TRIM61: variants seen among roughly 807,000 people sequenced by gnomAD.
The protein encoded by TRIM61 is tripartite motif containing 61.
A neutral mutation model predicts 14.2 loss-of-function variants in TRIM61; 1 was observed. The ratio of observed to expected loss-of-function variants is 0.07; its 90% CI spans 0.03 to 0.33. The LOEUF is 0.33. Among genes scored for constraint, TRIM61 ranks in the 10% least tolerant of loss-of-function variants. The pLI, the probability that TRIM61 is intolerant of heterozygous loss-of-function variation, is 0.99. For synonymous variants in TRIM61, 8 were observed against 71.6 expected (o/e 0.11, Z 4.49); for missense variants, 19 against 202.2 (o/e 0.09, Z 5.49).
intron 3 of TRIM61, among the ~76,000 whole-genome samples, chr4:164,961,162 A>AAAAAAAAAAAAAAAG (rs1732126874): frequency 2.2e-5 from 1 of 44,800 alleles, no homozygotes; most frequent in African/African-American, 1.1e-4. Flanking sequence ...GCAAAAAAAA[A>AAAAAAAAAAAAAAAG]AAAAAAAAAA....
chr4:164,957,586 C>T (rs1019298349), intron 3 of TRIM61: 17 of 1,322,406 alleles, frequency 1.3e-5, no homozygotes, highest in African/African-American at 5.9e-5. Flanking sequence ...AAAACTAAAC[C>T]AATCGTTATG....
chr4:164,961,164 A>AAAAAAAAAAAAAAAAAAAAAAAG (rs1732127220), intron 3 of TRIM61, among the ~76,000 whole-genome samples: 1 of 46,848 alleles, frequency 2.1e-5, no homozygotes, highest in Non-Finnish European at 3.7e-5. Context: ...AAAAAAAAAA[A>AAAAAAAAAAAAAAAAAAAAAAAG]AAAAAAAAAA....
intron 2 of TRIM61, among the ~76,000 whole-genome samples, chr4:164,970,794 C>G (rs1325972688): frequency 6.6e-6 from 1 of 151,962 alleles, no homozygotes; most frequent in African/African-American, 2.4e-5. Flanking sequence ...CAAAACAAAA[C>G]AAAACAAAAA....
At chr4:164,962,321 C>A (rs1447990442) in intron 3 of TRIM61, among the ~76,000 whole-genome samples, 2 of 151,082 alleles carry the variant, frequency 1.3e-5, no homozygotes, top group Non-Finnish European at 2.9e-5. Flanking sequence ...CCCGGGTTCA[C>A]GCCATTCTCC....
chr4:164,971,344 C>T (rs1036964730), intron 2 of TRIM61, among the ~76,000 whole-genome samples: 1 of 152,130 alleles, frequency 6.6e-6, no homozygotes, highest in African/African-American at 2.4e-5. Context: ...GTAATCCCAG[C>T]ACTTTGGGAG....
chr4:164,964,050 A>T (rs953386580), intron 3 of TRIM61, among the ~76,000 whole-genome samples: 1 of 152,024 alleles, frequency 6.6e-6, no homozygotes. Context: ...CCTTTACCTT[A>T]AGAAACTAGA....
rs1032657090 is a variant in TRIM61 at position 164,968,473 on chromosome 4, TA to T, written c.525+1004del. 5 of 979,546 alleles carry T rather than the reference TA, an allele frequency of 5.1e-6. No individual in the cohort carries two copies. The African/African-American group carries it at 8.8e-5, about 17-fold the overall frequency. 60.7% of individuals were successfully genotyped at this position (979,546 alleles called of 1,614,324 possible). A position where few individuals can be genotyped will look rare whatever the true frequency, so the allele number is the denominator to read the frequency against. ...TTTTTGGAAGTTGCTGAAACTGAGA[TA>T]AAAAAATATTGCTTTCTTATGGGAA... On this transcript the variant is annotated intron_variant, in intron 3 of 4. Transcript: ENST00000329314.
chr4:164,973,116 C>A (rs906681823), intron 2 of TRIM61, among the ~76,000 whole-genome samples: 1 of 152,162 alleles, frequency 6.6e-6, no homozygotes, highest in Non-Finnish European at 1.5e-5. Context: ...CAGCCCAAGA[C>A]ACATGTTCTC....
chr4:164,961,436 AG>A (rs1405646020), intron 3 of TRIM61, among the ~76,000 whole-genome samples: 1 of 151,926 alleles, frequency 6.6e-6, no homozygotes, highest in African/African-American at 2.4e-5. Context: ...TGAAATATAA[AG>A]TGAAAAGAAT....
rs1732333092 is a variant in TRIM61, at chr4:164,970,242, T to A, written c.-240A>T. ...TCACAGCCTGCAGCCTATTGCATAT[T>A]AGAACTTAATAGCTGGGCTGCTGCT... On this transcript the variant is annotated 5_prime_UTR_variant, in exon 3 of 5. Transcript: ENST00000329314. The A allele has an allele frequency of 2.3e-6, 1 of 443,958 alleles. No individual in the cohort carries two copies. The highest frequency in any genetic ancestry group is 4.0e-6 in the Non-Finnish European group (1 of 250,338). 27.5% of individuals were successfully genotyped at this position (443,958 alleles called of 1,614,324 possible). A position where few individuals can be genotyped will look rare whatever the true frequency, so the allele number is the denominator to read the frequency against.
chr4:164,975,219 A>C (rs527959051), intron 2 of TRIM61, among the ~76,000 whole-genome samples: 2 of 152,096 alleles, frequency 1.3e-5, no homozygotes, highest in Non-Finnish European at 2.9e-5. Flanking sequence ...GAAAAGAGGA[A>C]AACTCCATCT....
At chr4:164,969,087 G>C (rs577944627) in intron 3 of TRIM61, 14 of 1,089,082 alleles carry the variant, frequency 1.3e-5, no homozygotes, top group Non-Finnish European at 1.6e-5. Context: ...ATAAGTTTAC[G>C]ATGTGCTGTT....
intron 3 of TRIM61, chr4:164,957,447 G>A: frequency 1.2e-6 from 2 of 1,613,970 alleles, no homozygotes; most frequent in Non-Finnish European, 8.5e-7. Context: ...AGGACTAGAG[G>A]GTTTGGGTCT....
intron 3 of TRIM61, chr4:164,957,148 C>G: frequency 6.2e-7 from 1 of 1,608,880 alleles, no homozygotes; most frequent in Non-Finnish European, 8.5e-7. Context: ...CTTCGGGTCT[C>G]CCTAACAGAC....
At chr4:164,955,518 A>G (rs1470123087) in intron 3 of TRIM61, among the ~76,000 whole-genome samples, 1 of 148,212 alleles carries the variant, frequency 6.7e-6, no homozygotes, top group Non-Finnish European at 1.5e-5. Context: ...ACAGTGAGCT[A>G]CGAACTTGCC....
intron 3 of TRIM61, chr4:164,957,307 A>C (rs1732028656): frequency 1.2e-6 from 2 of 1,614,134 alleles, no homozygotes; most frequent in Non-Finnish European, 1.7e-6. Flanking sequence ...CATGGTGCCC[A>C]GAGAGGAATT....
intron 3 of TRIM61, among the ~76,000 whole-genome samples, chr4:164,965,639 T>C (rs963271988): frequency 6.6e-6 from 1 of 151,948 alleles, no homozygotes; most frequent in Admixed American, 6.6e-5. Context: ...TTCACTGTGT[T>C]AGCCAGGATG....
intron 3 of TRIM61, among the ~76,000 whole-genome samples, chr4:164,961,573 AAAG>A (rs1296738086): frequency 6.6e-6 from 1 of 152,080 alleles, no homozygotes; most frequent in Non-Finnish European, 1.5e-5. Flanking sequence ...AAAAATAAAA[AAAG>A]AGCAGAAGAA....
intron 3 of TRIM61, among the ~76,000 whole-genome samples, chr4:164,956,156 C>T (rs565495579): frequency 1.3e-5 from 2 of 152,324 alleles, no homozygotes; most frequent in East Asian, 3.9e-4. Context: ...ACCTCAACTC[C>T]CCAGGTTCAA....
Sources: allele counts gnomAD v4.1 joint callset (sites outside exome capture counted in the v4.1 genomes callset), GRCh38; gene constraint gnomAD v4.1.1; transcripts MANE v1.5; gene names NCBI Gene and HGNC (gene_info 2026-07-23, HGNC 2026-07-21).